COL14A1: variants seen among roughly 807,000 people sequenced by gnomAD.
COL14A1 encodes collagen type XIV alpha 1 chain.
A neutral mutation model predicts 230.3 loss-of-function variants in COL14A1; 136 were observed. The observed-to-expected ratio is 0.59, with a 90% confidence interval of 0.51 to 0.68. COL14A1 has a LOEUF of 0.68. Among genes scored for constraint, COL14A1 ranks in the 30% least tolerant of loss-of-function variants. The pLI, the probability that COL14A1 is intolerant of heterozygous loss-of-function variation, is 0.00. For missense variants in COL14A1, 1,976 were observed against 2,215.8 expected, an observed-to-expected ratio of 0.89 and a Z score of 2.17; for synonymous variants, 792 against 784.1, an observed-to-expected ratio of 1.01 and a Z score of -0.17.
chr8:120,263,864 G>T (rs1819422072), intron 24 of COL14A1, among the ~76,000 whole-genome samples: 1 of 151,928 alleles, frequency 6.6e-6, no homozygotes, highest in Admixed American at 6.6e-5. Flanking sequence ...CAAAAAGAGA[G>T]GATAAAAGTA....
chr8:120,225,301 G>T, intron 15 of COL14A1, 87 bp downstream of exon 15: 1 of 1,142,060 alleles, frequency 8.8e-7, no homozygotes, highest in South Asian at 1.5e-5. Context: ...CTTTATTTGT[G>T]ATTTTGAAGA....
At chr8:120,142,557 T>C (rs1419091913) in intron 1 of COL14A1, among the ~76,000 whole-genome samples, 2 of 152,352 alleles carry the variant, frequency 1.3e-5, no homozygotes, top group African/African-American at 4.8e-5. Flanking sequence ...ACTATTCTTT[T>C]AGCATGTACA....
chr8:120,229,633 G>T (rs1039596285), intron 18 of COL14A1, among the ~76,000 whole-genome samples: 17 of 152,102 alleles, frequency 1.1e-4, no homozygotes, highest in Non-Finnish European at 2.1e-4. Flanking sequence ...ACCCAGTAAT[G>T]GGATGGCTGG....
chr8:120,192,375 C>T (rs958386975), intron 5 of COL14A1, among the ~76,000 whole-genome samples: 4 of 152,066 alleles, frequency 2.6e-5, no homozygotes, highest in Admixed American at 2.0e-4. Flanking sequence ...ATATTGGCCC[C>T]CACTCTCTTC....
At chr8:120,196,717 A>C (rs1332655866) in intron 5 of COL14A1, 74 bp from the exon 6 acceptor site, 16 of 1,473,514 alleles carry the variant, frequency 1.1e-5, no homozygotes, top group African/African-American at 1.4e-5. Context: ...AGTTGTCTAA[A>C]AGACATTAAG....
At chr8:120,172,871 T>C (rs1322794671) in intron 5 of COL14A1, among the ~76,000 whole-genome samples, 1 of 152,236 alleles carries the variant, frequency 6.6e-6, no homozygotes, top group Non-Finnish European at 1.5e-5. Flanking sequence ...CGTTCCAGCA[T>C]GACTATTACA....
intron 45 of COL14A1, among the ~76,000 whole-genome samples, chr8:120,358,266 A>G (rs1257464538): frequency 1.3e-5 from 2 of 152,198 alleles, no homozygotes; most frequent in Non-Finnish European, 2.9e-5. Context: ...CAGATAGAGT[A>G]TGCTTTCTTG....
intron 18 of COL14A1, 75 bp downstream of exon 18, chr8:120,228,844 TTTA>T: frequency 7.9e-7 from 1 of 1,263,634 alleles, no homozygotes; most frequent in Non-Finnish European, 1.1e-6. Flanking sequence ...CCTGGTTTTA[TTTA>T]TTATTAACTA....
chr8:120,321,643 G>GAA (rs34224685), intron 40 of COL14A1, among the ~76,000 whole-genome samples: 2,372 of 145,406 alleles, frequency 0.016, 57 homozygotes, highest in African/African-American at 0.052. Context: ...ACTTGTCTCA[G>GAA]AAAAAAAAAA....
intron 26 of COL14A1, among the ~76,000 whole-genome samples, chr8:120,273,217 A>G (rs1228176210): frequency 1.3e-5 from 2 of 151,840 alleles, no homozygotes; most frequent in African/African-American, 4.8e-5. Context: ...AAAATCAAGA[A>G]GGAAATTTAA....
chr8:120,168,459 TGC>T (rs1815988728), intron 5 of COL14A1, among the ~76,000 whole-genome samples: 1 of 152,152 alleles, frequency 6.6e-6, no homozygotes, highest in South Asian at 2.1e-4. Context: ...CTCAGAATGG[TGC>T]ATATATGTAC....
chr8:120,246,740 GT>G (rs1416169027), intron 20 of COL14A1, among the ~76,000 whole-genome samples: 1 of 152,096 alleles, frequency 6.6e-6, no homozygotes, highest in African/African-American at 2.4e-5. Context: ...ACACAACTAC[GT>G]TTTATCAACA....
At chr8:120,311,796 A>C (rs1216224147) in intron 37 of COL14A1, among the ~76,000 whole-genome samples, 1 of 152,124 alleles carries the variant, frequency 6.6e-6, no homozygotes, top group Non-Finnish European at 1.5e-5. Context: ...CAATTTCTCG[A>C]TAACATATTA....
At chr8:120,139,811 C>G (rs1814840056) in intron 1 of COL14A1, among the ~76,000 whole-genome samples, 1 of 151,854 alleles carries the variant, frequency 6.6e-6, no homozygotes, top group South Asian at 2.1e-4. Context: ...ATTGCTGGAG[C>G]CCAGGAGTTC....
chr8:120,313,895 C>A, intron 37 of COL14A1, 37 bp from the exon 38 acceptor site: 1 of 1,349,416 alleles, frequency 7.4e-7, no homozygotes, highest in Non-Finnish European at 1.0e-6. Flanking sequence ...GAGAGTCTAA[C>A]TTACTTTTAG....
intron 44 of COL14A1, among the ~76,000 whole-genome samples, chr8:120,344,155 T>G (rs1822415116): frequency 6.6e-6 from 1 of 152,130 alleles, no homozygotes; most frequent in Non-Finnish European, 1.5e-5. Flanking sequence ...CCTGTCAATA[T>G]ACTAGAAGGA....
chr8:120,247,249 C>G (rs935294209), intron 20 of COL14A1, among the ~76,000 whole-genome samples: 1 of 152,120 alleles, frequency 6.6e-6, no homozygotes, highest in Admixed American at 6.5e-5. Context: ...TGGTGAAACC[C>G]TATCTCTACT....
At position 120,168,266 on chromosome 8, in the gene COL14A1, T is replaced by C; in HGVS notation, c.436+19T>C. The C allele has an allele frequency of 1.3e-6, 2 of 1,558,508 alleles. No homozygotes were observed. Among genetic ancestry groups the C allele is most frequent in the Non-Finnish European group, 1.8e-6 (2 of 1,132,858 alleles). On this transcript the variant is annotated intron_variant, in intron 5 of 47. Coordinates refer to ENST00000297848, the MANE Select transcript of COL14A1 (RefSeq NM_021110.4). ...CCAGAAGGTCAGAGACGATTTTAAT[T>C]AACTCATATTGGGAGTTGGGTTGTT...
chr8:120,199,390 G>GT lies in COL14A1; in HGVS notation c.713-8dup. On this transcript the variant is annotated splice_polypyrimidine_tract_variant and intron_variant, in intron 7 of 47. Transcript: ENST00000297848. ...AGATAGCTGGTGTTTACTTTTCCTT[G>GT]TTTTCTCCAAGGTCTTGCTTTGAAC... The GT allele has an allele frequency of 6.4e-7, 1 of 1,558,178 alleles. No homozygotes were observed. The highest frequency in any genetic ancestry group is 2.3e-5 in the East Asian group (1 of 42,808).
Sources: allele counts gnomAD v4.1 joint callset (sites outside exome capture counted in the v4.1 genomes callset), GRCh38; gene constraint gnomAD v4.1.1; transcripts MANE v1.5; gene names NCBI Gene and HGNC (gene_info 2026-07-23, HGNC 2026-07-21).